The following RANBP17 variants were observed in gnomAD, a reference collection of about 807,000 sequenced individuals.
RANBP17 encodes ran-binding protein 17.
Under a neutral mutation model 141.2 loss-of-function variants are expected in RANBP17, and 158 were observed. The ratio of observed to expected loss-of-function variants is 1.12; its 90% CI spans 0.98 to 1.28. The LOEUF (loss-of-function observed/expected upper bound fraction) is 1.28, where lower values mean the gene tolerates loss of function less well. Ranked by LOEUF, RANBP17 falls within the 50% of genes most tolerant of loss-of-function variation. The pLI is 0.00. For synonymous variants in RANBP17, 430 were observed against 450.0 expected, an observed-to-expected ratio of 0.96 and a Z score of 0.56; for missense variants, 1,438 against 1,290.7, an observed-to-expected ratio of 1.11 and a Z score of -1.75.
intron 14 of RANBP17, among the ~76,000 whole-genome samples, chr5:171,035,105 G>A (rs1159831078): frequency 6.6e-6 from 1 of 152,110 alleles, no homozygotes; most frequent in Non-Finnish European, 1.5e-5. Context: ...TGCTAGATGG[G>A]GTTGTTATAT....
At chr5:170,953,232 C>CAA (rs1172311403) in intron 12 of RANBP17, among the ~76,000 whole-genome samples, 1 of 152,090 alleles carries the variant, frequency 6.6e-6, no homozygotes, top group Non-Finnish European at 1.5e-5. Flanking sequence ...TGGTCCTAGA[C>CAA]AGTTTAGTGT....
chr5:170,878,310 G>A lies in RANBP17; in HGVS notation c.165+67G>A, dbSNP rs561480240. On this transcript the variant is annotated intron_variant, in intron 2 of 27. Transcript: ENST00000523189. ...GATGTATGTCATTGTTAATGAACTC[G>A]TGTGTTAGCAATGGTAACTGATAGA... The A allele has an allele frequency of 9.0e-6, 12 of 1,329,682 alleles. No homozygotes were observed. In the Admixed American group the frequency reaches 9.4e-5, roughly 10 times the overall value. 82.4% of individuals were successfully genotyped at this position (1,329,682 alleles called of 1,614,324 possible).
chr5:170,908,632 C>G (rs576455001), intron 5 of RANBP17, among the ~76,000 whole-genome samples: 10 of 151,006 alleles, frequency 6.6e-5, no homozygotes, highest in African/African-American at 2.4e-4. Context: ...ACACATGTAC[C>G]CCCACAAGCT....
chr5:171,296,335 G>A (rs893119632), intron 27 of RANBP17, among the ~76,000 whole-genome samples: 24 of 152,186 alleles, frequency 1.6e-4, no homozygotes, highest in African/African-American at 5.8e-4. Flanking sequence ...AATCCACTAT[G>A]GAAAATGAAG....
At chr5:171,169,856 A>G (rs186431707) in intron 14 of RANBP17, among the ~76,000 whole-genome samples, 2 of 152,166 alleles carry the variant, frequency 1.3e-5, no homozygotes, top group African/African-American at 4.8e-5. Context: ...AGAAAAAAAA[A>G]AAATGTGTGT....
At chr5:170,992,158 T>G (rs1778552186) in intron 14 of RANBP17, among the ~76,000 whole-genome samples, 1 of 152,020 alleles carries the variant, frequency 6.6e-6, no homozygotes, top group African/African-American at 2.4e-5. Context: ...CCTCAGTTGC[T>G]TTTGATGCTT....
intron 14 of RANBP17, among the ~76,000 whole-genome samples, chr5:170,975,490 C>A (rs1014826486): frequency 6.6e-6 from 1 of 152,204 alleles, no homozygotes; most frequent in Admixed American, 6.5e-5. Flanking sequence ...TGCGCCACTG[C>A]ACTCCAGCCT....
At chr5:171,069,611 A>G (rs1784514335) in intron 14 of RANBP17, among the ~76,000 whole-genome samples, 1 of 152,214 alleles carries the variant, frequency 6.6e-6, no homozygotes, top group South Asian at 2.1e-4. Context: ...TTTTCAGTAC[A>G]GTGTTCAATA....
intron 14 of RANBP17, among the ~76,000 whole-genome samples, chr5:171,083,526 G>T (rs1785395788): frequency 6.6e-6 from 1 of 152,144 alleles, no homozygotes; most frequent in Admixed American, 6.5e-5. Flanking sequence ...AATTACAGTT[G>T]ACCCTTGAAC....
intron 14 of RANBP17, among the ~76,000 whole-genome samples, chr5:171,115,600 A>G (rs1166332651): frequency 6.6e-6 from 1 of 152,208 alleles, no homozygotes; most frequent in Non-Finnish European, 1.5e-5. Flanking sequence ...ATGCCGAATG[A>G]ACTGATCGCA....
At chr5:170,927,854 T>G (rs1773052733) in intron 12 of RANBP17, among the ~76,000 whole-genome samples, 1 of 152,108 alleles carries the variant, frequency 6.6e-6, no homozygotes, top group Non-Finnish European at 1.5e-5. Context: ...AGTCTTTGTA[T>G]GTAGAAGAAA....
chr5:170,962,286 T>G (rs894199820), intron 13 of RANBP17, among the ~76,000 whole-genome samples: 1 of 152,234 alleles, frequency 6.6e-6, no homozygotes, highest in African/African-American at 2.4e-5. Context: ...AACTCATTCC[T>G]ACTCTCTTGC....
chr5:171,072,185 A>T (rs1784671917), intron 14 of RANBP17, among the ~76,000 whole-genome samples: 1 of 152,150 alleles, frequency 6.6e-6, no homozygotes, highest in South Asian at 2.1e-4. Flanking sequence ...TTGGCTTGGA[A>T]AATGAAGAAA....
intron 14 of RANBP17, among the ~76,000 whole-genome samples, chr5:171,063,321 T>C (rs1165600029): frequency 2.6e-5 from 4 of 152,212 alleles, no homozygotes; most frequent in Non-Finnish European, 5.9e-5. Flanking sequence ...ATGATGGTAA[T>C]GTACAGATGG....
chr5:171,297,106 C>T (rs1440462815), intron 27 of RANBP17, among the ~76,000 whole-genome samples: 1 of 152,104 alleles, frequency 6.6e-6, no homozygotes, highest in Non-Finnish European at 1.5e-5. Flanking sequence ...GACCTATGAC[C>T]TACAGTATTA....
chr5:170,901,982 T>G (rs1299908567), intron 5 of RANBP17, among the ~76,000 whole-genome samples: 1 of 152,208 alleles, frequency 6.6e-6, no homozygotes, highest in Non-Finnish European at 1.5e-5. Context: ...CCTTGGTGAA[T>G]CTGACGATTA....
chr5:171,165,183 G>GT (rs1246696508), intron 14 of RANBP17, among the ~76,000 whole-genome samples: 2 of 151,008 alleles, frequency 1.3e-5, no homozygotes, highest in East Asian at 1.9e-4. Context: ...AGGTTTTTTT[G>GT]TTTTTTTGTT....
intron 14 of RANBP17, among the ~76,000 whole-genome samples, chr5:171,017,775 A>G (rs568288645): frequency 5.3e-5 from 8 of 152,192 alleles, no homozygotes; most frequent in South Asian, 4.2e-4. Context: ...CCATTTGTCA[A>G]TTTTGGTTTT....
Position 171,095,792 on chromosome 5 carries a change from G to A in RANBP17, c.1711-74338G>A, listed in dbSNP as rs188434038. Among the ~76,000 whole-genome samples, 20 of 152,208 alleles carry A rather than the reference G, an allele frequency of 1.3e-4. No individual in the cohort carries two copies. The South Asian group carries it at 2.7e-3, about 21-fold the overall frequency. On this transcript the variant is annotated intron_variant, in intron 14 of 27. Coordinates refer to ENST00000523189, the MANE Select transcript of RANBP17 (RefSeq NM_022897.5). ...CACACCCACACAGTCAAAAATCTGAGCGTAACTTTAGACTCCCCAAAAACT... is the reference window on the plus strand; with the variant it reads ...CACACCCACACAGTCAAAAATCTGAACGTAACTTTAGACTCCCCAAAAACT...
Sources: allele counts gnomAD v4.1 joint callset (sites outside exome capture counted in the v4.1 genomes callset), GRCh38; gene constraint gnomAD v4.1.1; transcripts MANE v1.5; gene names NCBI Gene and HGNC (gene_info 2026-07-23, HGNC 2026-07-21).